NMNAT3: variants seen among roughly 807,000 people sequenced by gnomAD.
NMNAT3 encodes the protein nicotinamide/nicotinic acid mononucleotide adenylyltransferase 3.
Under a neutral mutation model 24.8 loss-of-function variants are expected in NMNAT3, and 21 were observed. The ratio of observed to expected loss-of-function variants is 0.85; its 90% CI spans 0.60 to 1.22. The LOEUF (loss-of-function observed/expected upper bound fraction) is 1.22, where lower values mean the gene tolerates loss of function less well. Among genes scored for constraint, NMNAT3 ranks in the 50% most tolerant of loss-of-function variants. The probability of loss-of-function intolerance (pLI) is 0.00; values close to 1 mark genes in which losing one functional copy is unlikely to be tolerated. For missense variants in NMNAT3, 387 were observed against 436.6 expected, an observed-to-expected ratio of 0.89 and a Z score of 1.01; for synonymous variants, 136 against 155.2, an observed-to-expected ratio of 0.88 and a Z score of 0.92.
At chr3:139,561,535 G>A in intron 6 of NMNAT3, 143 bp from the exon 7 acceptor site, 1 of 733,576 alleles carries the variant, frequency 1.4e-6, no homozygotes, top group Admixed American at 2.9e-5. Flanking sequence ...AAAAGAAAAA[G>A]CATGTAAATG....
intron 2 of NMNAT3, among the ~76,000 whole-genome samples, chr3:139,629,839 G>T: frequency 6.6e-6 from 1 of 152,136 alleles, no homozygotes; most frequent in African/African-American, 2.4e-5. Flanking sequence ...AAAACCCCCC[G>T]GCACATCCCA....
chr3:139,562,671 G>A (rs953651914), intron 6 of NMNAT3, among the ~76,000 whole-genome samples: 1 of 152,226 alleles, frequency 6.6e-6, no homozygotes, highest in African/African-American at 2.4e-5. Flanking sequence ...AGCAACTGTG[G>A]AATGGAAAGT....
Position 139,579,046 on chromosome 3 carries a change from T to C in NMNAT3, c.401A>G (p.Gln134Arg), listed in dbSNP as rs1269184917. Residue 134 changes from glutamine (Q) to arginine (R), a missense_variant, in exon 5 of 7, where the codon CAG becomes CGG. Physicochemically the swap from Gln to Arg is conservative, Grantham distance 43. This residue lies in a region of NMNAT3 where 323 missense variants were observed against 345.2 expected (regional missense o/e 0.94). Transcript: ENST00000643695. Reference sequence around the variant, plus strand: ...AGGAGAGATGATACCCTGGATGACCTGGTACATTCCTAGGTAAGAGAGAGC... The same window carrying C: ...AGGAGAGATGATACCCTGGATGACCCGGTACATTCCTAGGTAAGAGAGAGC... 2 of 1,613,278 alleles carry C rather than the reference T, an allele frequency of 1.2e-6. No individual in the cohort carries two copies. Among genetic ancestry groups the C allele is most frequent in the East Asian group, 2.2e-5 (1 of 44,898 alleles).
chr3:139,568,227 T>C (rs1257092408), intron 6 of NMNAT3: 1 of 152,184 alleles, frequency 6.6e-6, no homozygotes, highest in East Asian at 1.9e-4. Context: ...TTGATTCTTC[T>C]CTCTTTTCTT....
At chr3:139,583,280 T>G in intron 3 of NMNAT3, 1 of 1,277,164 alleles carries the variant, frequency 7.8e-7, no homozygotes, top group Admixed American at 1.7e-5. Context: ...AGCAGTACTT[T>G]TACCATCTGT....
chr3:139,583,276 A>G (rs1559873915), intron 3 of NMNAT3: 1 of 1,258,798 alleles, frequency 7.9e-7, no homozygotes, highest in Non-Finnish European at 1.2e-6. Flanking sequence ...GTATAGCAGT[A>G]CTTTTACCAT....
At chr3:139,596,941 TATATATATATATATATATATATA>T (rs1559890937) in intron 3 of NMNAT3, among the ~76,000 whole-genome samples, 16 of 110,858 alleles carry the variant, frequency 1.4e-4, no homozygotes, top group East Asian at 1.1e-3. Context: ...TATATATATA[TATATATATATATATATATATATA>T]TTTTTATTAC....
At chr3:139,661,007 TTTG>T (rs2057397459) in intron 1 of NMNAT3, among the ~76,000 whole-genome samples, 1 of 152,224 alleles carries the variant, frequency 6.6e-6, no homozygotes, top group African/African-American at 2.4e-5. Flanking sequence ...TGGTCCTTTT[TTTG>T]TATCATAATA....
intron 6 of NMNAT3, chr3:139,570,158 G>A (rs1390162131): frequency 2.0e-5 from 3 of 151,976 alleles, no homozygotes; most frequent in East Asian, 1.9e-4. Flanking sequence ...TTCTACATTC[G>A]TCAGGTAGCT....
At chr3:139,627,880 C>T (rs1193440424) in intron 2 of NMNAT3, 116 bp from the exon 4 acceptor site, 2 of 474,540 alleles carry the variant, frequency 4.2e-6, no homozygotes, top group East Asian at 6.3e-5. Flanking sequence ...ACTGAGGAGG[C>T]CATTAAAACA....
At chr3:139,633,552 TTAAAA>T (rs2056386075) in intron 2 of NMNAT3, among the ~76,000 whole-genome samples, 1 of 152,092 alleles carries the variant, frequency 6.6e-6, no homozygotes, top group African/African-American at 2.4e-5. Context: ...CCATAGGAAG[TTAAAA>T]CACCCATCTT....
intron 3 of NMNAT3, among the ~76,000 whole-genome samples, chr3:139,588,013 T>C (rs1303614774): frequency 6.6e-6 from 1 of 152,186 alleles, no homozygotes. Context: ...AAATCAATGC[T>C]TTTTTATAGC....
At chr3:139,652,608 C>T (rs990313520) in intron 1 of NMNAT3, among the ~76,000 whole-genome samples, 1 of 152,058 alleles carries the variant, frequency 6.6e-6, no homozygotes, top group African/African-American at 2.4e-5. Flanking sequence ...CTCAGTGGGC[C>T]CAAGAGAGGC....
intron 4 of NMNAT3, 133 bp from the exon 5 acceptor site, chr3:139,579,188 G>T: frequency 1.4e-6 from 1 of 712,700 alleles, no homozygotes; most frequent in Non-Finnish European, 2.4e-6. Flanking sequence ...TCTCTCATGG[G>T]GGAGAAAGGG....
chr3:139,663,696 T>G (rs1042275017), intron 1 of NMNAT3, among the ~76,000 whole-genome samples: 1 of 152,160 alleles, frequency 6.6e-6, no homozygotes, highest in Non-Finnish European at 1.5e-5. Flanking sequence ...CCTCTGAGCA[T>G]CTGGGCCTCC....
In NMNAT3 at chr3:139,672,332, C is replaced by G. The variant is rs374939076; in HGVS notation, c.-141+5373G>C. 3.0e-4 allele frequency among the ~76,000 whole-genome samples: 45 copies of G among 152,298 alleles called. 1 individual carries two copies. The South Asian group carries it at 5.4e-3, about 18-fold the overall frequency. On this transcript the variant is annotated intron_variant, in intron 1 of 6. Transcript: ENST00000643695. ...GGGGAAGGCAGGAAGAAGATTGGCT[C>G]TAATTTAAAACCATCTTAGGAGCTC...
intron 3 of NMNAT3, among the ~76,000 whole-genome samples, chr3:139,595,222 G>A (rs2054392466): frequency 6.6e-6 from 1 of 152,094 alleles, no homozygotes; most frequent in African/African-American, 2.4e-5. Context: ...TTGCTTCAAA[G>A]AGAATAAAAT....
At chr3:139,674,485 C>T (rs555645553) in intron 1 of NMNAT3, among the ~76,000 whole-genome samples, 4 of 151,982 alleles carry the variant, frequency 2.6e-5, no homozygotes, top group Non-Finnish European at 5.9e-5. Context: ...CTGGTGAGGA[C>T]GAGCCACTTT....
intron 3 of NMNAT3, chr3:139,583,436 C>T (rs973218663): frequency 3.8e-6 from 6 of 1,596,384 alleles, no homozygotes; most frequent in African/African-American, 1.3e-5. Context: ...TGATCTCCCA[C>T]TTTGCTGAGC....
Sources: gnomAD v4.1 joint callset for allele counts (sites outside exome capture counted in the v4.1 genomes callset) on GRCh38, gnomAD v4.1.1 for gene constraint, gnomAD v4.1.1 regional missense constraint, MANE v1.5 for transcripts, NCBI Gene and HGNC (gene_info 2026-07-23, HGNC 2026-07-21) for gene names.